The following PLPPR1 variants were observed in gnomAD, a reference collection of about 807,000 sequenced individuals.
PLPPR1 encodes phospholipid phosphatase related 1.
Under a neutral mutation model 33.1 loss-of-function variants are expected in PLPPR1, and 10 were observed. The ratio of observed to expected loss-of-function variants is 0.30; its 90% confidence interval spans 0.19 to 0.51. The LOEUF is 0.51. Among genes scored for constraint, PLPPR1 ranks in the 20% least tolerant of loss-of-function variants. The pLI is 0.97. For synonymous variants in PLPPR1, 151 were observed against 151.0 expected (o/e 1.00, Z 0.00); for missense variants, 304 against 408.1 (o/e 0.74, Z 2.20).
intron 2 of PLPPR1, among the ~76,000 whole-genome samples, chr9:101,215,425 C>T (rs937228561): frequency 2.6e-5 from 4 of 152,026 alleles, no homozygotes; most frequent in African/African-American, 7.2e-5. Flanking sequence ...GATCACAGGG[C>T]GTGCGCCACC....
At chr9:101,281,349 A>C (rs551038644) in intron 3 of PLPPR1, among the ~76,000 whole-genome samples, 218 of 152,278 alleles carry the variant, frequency 1.4e-3, no homozygotes, top group South Asian at 2.7e-3. Flanking sequence ...TGATCCACAG[A>C]TTCAGTGCAA....
intron 1 of PLPPR1, among the ~76,000 whole-genome samples, chr9:101,115,042 G>C (rs1156728227): frequency 6.6e-6 from 1 of 152,154 alleles, no homozygotes; most frequent in East Asian, 1.9e-4. Flanking sequence ...TGACTCTCCA[G>C]GTAACTTCAG....
At chr9:101,259,105 C>A (rs1485979929) in intron 2 of PLPPR1, among the ~76,000 whole-genome samples, 3 of 152,064 alleles carry the variant, frequency 2.0e-5, no homozygotes, top group African/African-American at 7.2e-5. Flanking sequence ...CTCTACATTT[C>A]TCCATATCAT....
chr9:101,237,979 CTATA>C (rs367867610), intron 2 of PLPPR1, among the ~76,000 whole-genome samples: 3,382 of 79,362 alleles, frequency 0.043, 74 homozygotes, highest in Middle Eastern at 0.11. Flanking sequence ...GCTATATAGC[CTATA>C]TATATATATA....
At chr9:101,125,289 G>T (rs140539239) in intron 1 of PLPPR1, 1 of 162,206 alleles carries the variant, frequency 6.2e-6, no homozygotes, top group South Asian at 1.8e-4. Context: ...TCCACTTTAC[G>T]TACTTGTCTC....
chr9:101,237,926 C>CTA (rs34987720), intron 2 of PLPPR1, among the ~76,000 whole-genome samples: 29,260 of 101,944 alleles, frequency 0.29, 4,407 homozygotes, highest in African/African-American at 0.35. Flanking sequence ...GAGAATAAGC[C>CTA]TATATATATA....
intron 1 of PLPPR1, among the ~76,000 whole-genome samples, chr9:101,145,929 C>T (rs1160859881): frequency 6.6e-6 from 1 of 151,730 alleles, no homozygotes; most frequent in Non-Finnish European, 1.5e-5. Context: ...GGCAGGAGGA[C>T]CCCTTGAGCC....
intron 1 of PLPPR1, among the ~76,000 whole-genome samples, chr9:101,078,510 G>T (rs1234529934): frequency 6.6e-6 from 1 of 151,830 alleles, no homozygotes; most frequent in African/African-American, 2.4e-5. Context: ...GTTGAGATTG[G>T]CCTTAAGGTT....
rs71507977 is a variant in PLPPR1, at chr9:101,180,094, TTATATATATA to T, written c.-45-5315_-45-5306del. ...GAGTTAATACTTAATAAACTCTCCT[TTATATATATA>T]TATATATATATATATATATATATAT... On this transcript the variant is annotated intron_variant, in intron 1 of 7. Transcript: ENST00000374874. Among the ~76,000 whole-genome samples the T allele has an allele frequency of 4.5e-3, 280 of 61,944 alleles. 1 individual carries two copies. Among genetic ancestry groups the T allele is most frequent in the South Asian group, 0.012 (15 of 1,274 alleles). The allele number at this position is 61,944 out of a possible 152,430, so 40.6% of individuals were successfully genotyped here.
At chr9:101,188,578 C>T (rs374632058) in intron 2 of PLPPR1, among the ~76,000 whole-genome samples, 71 of 151,798 alleles carry the variant, frequency 4.7e-4, no homozygotes, top group Middle Eastern at 6.8e-3. Flanking sequence ...GCCTTGTTGC[C>T]GACTTTAAAG....
intron 1 of PLPPR1, among the ~76,000 whole-genome samples, chr9:101,135,197 G>C (rs947395568): frequency 1.6e-4 from 25 of 152,060 alleles, no homozygotes; most frequent in African/African-American, 6.0e-4. Context: ...TAGCTTAATC[G>C]CTGCCCTTTT....
chr9:101,071,989 A>G (rs764698776), intron 1 of PLPPR1, among the ~76,000 whole-genome samples: 20 of 152,134 alleles, frequency 1.3e-4, no homozygotes, highest in Non-Finnish European at 2.6e-4. Context: ...TCTATGAATC[A>G]TTTTTGAATG....
intron 1 of PLPPR1, among the ~76,000 whole-genome samples, chr9:101,086,884 A>C (rs950002537): frequency 1.3e-5 from 2 of 152,190 alleles, no homozygotes; most frequent in African/African-American, 2.4e-5. Flanking sequence ...CCCAAATAAA[A>C]AAATATTTGA....
chr9:101,035,189 T>C (rs1829994558), intron 1 of PLPPR1, among the ~76,000 whole-genome samples: 1 of 152,150 alleles, frequency 6.6e-6, no homozygotes, highest in Non-Finnish European at 1.5e-5. Flanking sequence ...ATTTACAACA[T>C]TCCGTAGGAA....
chr9:101,241,886 C>A (rs1371660781), intron 2 of PLPPR1, among the ~76,000 whole-genome samples: 2 of 152,042 alleles, frequency 1.3e-5, no homozygotes, highest in Non-Finnish European at 2.9e-5. Flanking sequence ...ACAAACCACC[C>A]TATTTTAATA....
rs183405041 is a variant in PLPPR1, at chr9:101,178,754, C to A, written c.-45-6696C>A. ...AGAGTTCGCCAGAAGGCCATGTATGCTCCGAATCAGTGTCCAATATACAGT... is the reference window on the plus strand; with the variant it reads ...AGAGTTCGCCAGAAGGCCATGTATGATCCGAATCAGTGTCCAATATACAGT... On this transcript the variant is annotated intron_variant, in intron 1 of 7. Transcript: ENST00000374874. Among the ~76,000 whole-genome samples the A allele has an allele frequency of 1.5e-4, 23 of 152,270 alleles. No homozygotes were observed. In the East Asian group the frequency reaches 4.1e-3, roughly 27 times the overall value.
chr9:101,317,348 TC>T lies in PLPPR1; in HGVS notation c.814-12del, dbSNP rs1564037223. The stretch of plus-strand genomic sequence containing the variant: ...GCTGCAGTCTGACCCCATTCTTTTT[TC>T]CCCCTCATCCTGCAGGGAATGTGTG... On this transcript the variant is annotated splice_polypyrimidine_tract_variant and intron_variant, in intron 6 of 7. Coordinates refer to ENST00000374874, the MANE Select transcript of PLPPR1 (RefSeq NM_207299.2). 6.2e-7 allele frequency: 1 copy of T among 1,609,408 alleles called. No homozygotes were observed. The highest frequency in any genetic ancestry group is 1.7e-5 in the Admixed American group (1 of 59,110).
intron 1 of PLPPR1, among the ~76,000 whole-genome samples, chr9:101,109,373 C>T (rs1038244485): frequency 2.6e-4 from 39 of 152,162 alleles, no homozygotes; most frequent in African/African-American, 9.4e-4. Context: ...CAATAGAAAA[C>T]TGAAACTTAG....
At chr9:101,283,011 A>AT (rs1828330572) in intron 3 of PLPPR1, among the ~76,000 whole-genome samples, 1 of 152,124 alleles carries the variant, frequency 6.6e-6, no homozygotes, top group Non-Finnish European at 1.5e-5. Flanking sequence ...TCAATGATAC[A>AT]TTTTTTATAG....
Sources: allele counts gnomAD v4.1 joint callset (sites outside exome capture counted in the v4.1 genomes callset), GRCh38; gene constraint gnomAD v4.1.1; transcripts MANE v1.5; gene names NCBI Gene and HGNC (gene_info 2026-07-23, HGNC 2026-07-21).